ZBTB7C: variants seen among roughly 807,000 people sequenced by gnomAD.
The protein encoded by ZBTB7C is zinc finger and BTB domain containing 7C.
In ZBTB7C, 8 loss-of-function variants were observed where a neutral mutation model predicts 25.7. That is an observed-to-expected ratio of 0.31 (90% confidence interval 0.18 to 0.56). The LOEUF (loss-of-function observed/expected upper bound fraction) is 0.56. ZBTB7C is among the 20% of genes least tolerant of loss of function. The pLI is 0.91. For missense variants in ZBTB7C, 824 were observed against 855.2 expected, an observed-to-expected ratio of 0.96 and a Z score of 0.46; for synonymous variants, 394 against 369.0, an observed-to-expected ratio of 1.07 and a Z score of -0.78.
At chr18:48,323,540 G>C (rs1278441130) in intron 2 of ZBTB7C, among the ~76,000 whole-genome samples, 1 of 152,122 alleles carries the variant, frequency 6.6e-6, no homozygotes, top group Admixed American at 6.5e-5. Context: ...TAAAGCTGAG[G>C]GTGGGCCTGA....
chr18:48,141,153 C>CCCA (rs1195909864), intron 3 of ZBTB7C, among the ~76,000 whole-genome samples: 5 of 148,686 alleles, frequency 3.4e-5, no homozygotes, highest in African/African-American at 5.0e-5. Flanking sequence ...ACCACCCCCC[C>CCCA]CACTGTTCCT....
chr18:48,157,532 G>A (rs2040874641), intron 3 of ZBTB7C, among the ~76,000 whole-genome samples: 1 of 152,160 alleles, frequency 6.6e-6, no homozygotes, highest in African/African-American at 2.4e-5. Context: ...TCCATTTTAT[G>A]AGGAGGAAAC....
intron 3 of ZBTB7C, among the ~76,000 whole-genome samples, chr18:48,144,870 T>A (rs1343837183): frequency 6.6e-6 from 1 of 152,196 alleles, no homozygotes; most frequent in East Asian, 1.9e-4. Flanking sequence ...ATTCTGAGTG[T>A]GCTCTCTGAG....
At chr18:48,242,269 AAAG>A (rs1378213227) in intron 2 of ZBTB7C, among the ~76,000 whole-genome samples, 1 of 152,212 alleles carries the variant, frequency 6.6e-6, no homozygotes, top group Admixed American at 6.5e-5. Flanking sequence ...TCAGACATTA[AAAG>A]AAGAATTGGT....
In ZBTB7C at chr18:48,069,984, CA is replaced by C. The variant is rs550125572; in HGVS notation, c.-16-28862del. ...TGGGGCCTGGTAAGATTCCTGGAAT[CA>C]CTAACCCATTTCACAGGTGAGGCAA... On this transcript the variant is annotated intron_variant, in intron 3 of 4. Transcript: ENST00000590800. Among the ~76,000 whole-genome samples the C allele has an allele frequency of 3.3e-5, 5 of 152,214 alleles. No homozygotes were observed. The East Asian group carries it at 9.7e-4, about 29-fold the overall frequency.
At chr18:48,154,064 CAGAGTCTG>C (rs981026938) in intron 3 of ZBTB7C, among the ~76,000 whole-genome samples, 3 of 152,202 alleles carry the variant, frequency 2.0e-5, no homozygotes, top group Non-Finnish European at 4.4e-5. Context: ...CAGCTGGATG[CAGAGTCTG>C]AGAGGCCTCT....
intron 3 of ZBTB7C, among the ~76,000 whole-genome samples, chr18:48,169,037 C>T (rs891410529): frequency 1.3e-5 from 2 of 152,202 alleles, no homozygotes; most frequent in Non-Finnish European, 2.9e-5. Flanking sequence ...CTTGCCCTGT[C>T]CCCAAGGGGG....
At chr18:48,350,608 A>G (rs2145037013) in intron 1 of ZBTB7C, 1 of 152,304 alleles carries the variant, frequency 6.6e-6, no homozygotes, top group Non-Finnish European at 1.5e-5. Flanking sequence ...ACAAATAACA[A>G]ATACATTCAC....
intron 3 of ZBTB7C, among the ~76,000 whole-genome samples, chr18:48,145,378 T>C (rs948762264): frequency 2.3e-4 from 35 of 152,214 alleles, no homozygotes; most frequent in Admixed American, 1.4e-3. Context: ...GCCATCTCTC[T>C]GCCCACCATT....
intron 2 of ZBTB7C, among the ~76,000 whole-genome samples, chr18:48,211,378 A>C (rs1332685526): frequency 2.0e-5 from 3 of 152,186 alleles, no homozygotes; most frequent in Non-Finnish European, 2.9e-5. Context: ...CTCTGCAAAA[A>C]ACACGTCAAG....
intron 3 of ZBTB7C, chr18:48,083,808 G>T (rs2038081903): frequency 1.0e-6 from 1 of 983,192 alleles, no homozygotes; most frequent in Non-Finnish European, 1.2e-6. Flanking sequence ...TGATTATGAG[G>T]TTATAAAGGG....
At chr18:48,161,609 A>G (rs1010702661) in intron 3 of ZBTB7C, among the ~76,000 whole-genome samples, 72 of 152,026 alleles carry the variant, frequency 4.7e-4, no homozygotes, top group African/African-American at 1.7e-3. Flanking sequence ...GACATGAAGC[A>G]ACCACAGCCG....
intron 2 of ZBTB7C, among the ~76,000 whole-genome samples, chr18:48,273,299 T>C (rs2044546455): frequency 6.6e-6 from 1 of 152,068 alleles, no homozygotes; most frequent in Non-Finnish European, 1.5e-5. Context: ...CTATTACAGA[T>C]CAAGATTTAT....
intron 3 of ZBTB7C, among the ~76,000 whole-genome samples, chr18:48,141,946 T>G (rs2040362177): frequency 6.6e-6 from 1 of 152,226 alleles, no homozygotes; most frequent in Non-Finnish European, 1.5e-5. Context: ...CAGATTTTAT[T>G]GAAATGTATT....
At chr18:48,064,848 T>C (rs535579410) in intron 3 of ZBTB7C, among the ~76,000 whole-genome samples, 1 of 152,146 alleles carries the variant, frequency 6.6e-6, no homozygotes, top group East Asian at 1.9e-4. Flanking sequence ...CCCTAGAAGT[T>C]CTGCTCTAGA....
chr18:48,356,012 C>T (rs572690031), intron 1 of ZBTB7C, among the ~76,000 whole-genome samples: 2 of 152,058 alleles, frequency 1.3e-5, no homozygotes, highest in South Asian at 4.2e-4. Flanking sequence ...AATGCACATT[C>T]TGGGGCCCCA....
At chr18:48,270,310 T>G (rs1161633272) in intron 2 of ZBTB7C, among the ~76,000 whole-genome samples, 1 of 138,446 alleles carries the variant, frequency 7.2e-6, no homozygotes, top group Non-Finnish European at 1.5e-5. Context: ...CAGGCTGGAG[T>G]GCAGTGGTGC....
intron 1 of ZBTB7C, among the ~76,000 whole-genome samples, chr18:48,354,829 A>C (rs1420042668): frequency 6.6e-6 from 1 of 152,174 alleles, no homozygotes; most frequent in East Asian, 1.9e-4. Flanking sequence ...AGGGGACTGA[A>C]TAAACGGAGC....
intron 2 of ZBTB7C, among the ~76,000 whole-genome samples, chr18:48,303,255 T>C (rs541623199): frequency 1.1e-4 from 16 of 152,176 alleles, no homozygotes; most frequent in African/African-American, 3.4e-4. Flanking sequence ...CAGTCAAAGG[T>C]TCCCAAAACA....
Sources: gnomAD v4.1 joint callset for allele counts (sites outside exome capture counted in the v4.1 genomes callset) on GRCh38, gnomAD v4.1.1 for gene constraint, MANE v1.5 for transcripts, NCBI Gene and HGNC (gene_info 2026-07-23, HGNC 2026-07-21) for gene names.